CACHD1: variants seen among roughly 807,000 people sequenced by gnomAD.
CACHD1 encodes cache domain containing 1.
Under a neutral mutation model 138.7 loss-of-function variants are expected in CACHD1, and 71 were observed. The observed-to-expected ratio is 0.51, with a 90% confidence interval of 0.42 to 0.62. CACHD1 has a LOEUF of 0.62. Ranked by LOEUF, CACHD1 falls within the 20% of genes least tolerant of loss-of-function variation. The probability of loss-of-function intolerance (pLI) is 0.00; values close to 1 mark genes in which losing one functional copy is unlikely to be tolerated. For synonymous variants in CACHD1, 578 were observed against 591.5 expected, an observed-to-expected ratio of 0.98 and a Z score of 0.33; for missense variants, 1,389 against 1,625.3, an observed-to-expected ratio of 0.85 and a Z score of 2.50.
At chr1:64,485,340 A>G (rs1372363948) in intron 1 of CACHD1, among the ~76,000 whole-genome samples, 1 of 152,166 alleles carries the variant, frequency 6.6e-6, no homozygotes, top group African/African-American at 2.4e-5. Context: ...ACTCCTGGAA[A>G]CCATCGATAT....
chr1:64,537,227 G>C (rs191235569), intron 1 of CACHD1, among the ~76,000 whole-genome samples: 1 of 151,106 alleles, frequency 6.6e-6, no homozygotes, highest in Non-Finnish European at 1.5e-5. Context: ...CGATGATTGC[G>C]TTTTCCCCTC....
intron 1 of CACHD1, among the ~76,000 whole-genome samples, chr1:64,548,613 C>A (rs1257972977): frequency 6.6e-6 from 1 of 152,046 alleles, no homozygotes; most frequent in Non-Finnish European, 1.5e-5. Context: ...CCTAATGCCC[C>A]CTGAATGTAA....
chr1:64,559,915 G>A (rs1034797488), intron 2 of CACHD1, among the ~76,000 whole-genome samples: 17 of 152,032 alleles, frequency 1.1e-4, no homozygotes, highest in African/African-American at 4.1e-4. Flanking sequence ...ATCCTAGTAT[G>A]TCAATTTTGG....
chr1:64,567,749 A>G (rs1646893932), intron 2 of CACHD1, among the ~76,000 whole-genome samples: 1 of 152,176 alleles, frequency 6.6e-6, no homozygotes, highest in South Asian at 2.1e-4. Context: ...CAATTTTTAA[A>G]ATGAAGGTGG....
At chr1:64,601,768 A>G (rs561259990) in intron 3 of CACHD1, among the ~76,000 whole-genome samples, 5 of 152,148 alleles carry the variant, frequency 3.3e-5, no homozygotes, top group African/African-American at 7.2e-5. Flanking sequence ...TAGCTTCTCT[A>G]TTTGGGTTCA....
chr1:64,546,883 G>A (rs953247792), intron 1 of CACHD1, among the ~76,000 whole-genome samples: 8 of 151,876 alleles, frequency 5.3e-5, no homozygotes, highest in Non-Finnish European at 1.0e-4. Flanking sequence ...TAATTACCCT[G>A]GACAATATAT....
intron 1 of CACHD1, among the ~76,000 whole-genome samples, chr1:64,495,714 T>G (rs1439010116): frequency 2.0e-5 from 3 of 151,960 alleles, no homozygotes; most frequent in Non-Finnish European, 1.5e-5. Flanking sequence ...TGACCCTTTT[T>G]GAACCTGAGT....
At chr1:64,568,394 A>ATT (rs1252465960) in intron 2 of CACHD1, among the ~76,000 whole-genome samples, 2 of 152,004 alleles carry the variant, frequency 1.3e-5, no homozygotes, top group Non-Finnish European at 2.9e-5. Flanking sequence ...GGATATAGCA[A>ATT]CCCTTAGATA....
intron 2 of CACHD1, among the ~76,000 whole-genome samples, chr1:64,566,087 T>G (rs1646878399): frequency 6.6e-6 from 1 of 152,232 alleles, no homozygotes; most frequent in South Asian, 2.1e-4. Context: ...TTTATAAATT[T>G]TATTAATTGC....
intron 14 of CACHD1, 106 bp downstream of exon 14, chr1:64,663,943 C>T: frequency 3.5e-6 from 5 of 1,424,922 alleles, no homozygotes; most frequent in South Asian, 1.3e-5. Context: ...TGCATCTGTG[C>T]CTCTCAGCTG....
At chr1:64,586,813 A>G (rs1156688157) in intron 3 of CACHD1, among the ~76,000 whole-genome samples, 1 of 152,212 alleles carries the variant, frequency 6.6e-6, no homozygotes, top group Non-Finnish European at 1.5e-5. Context: ...GAAAACATTA[A>G]GTGAATGTGA....
In CACHD1 at chr1:64,673,455, C is replaced by T. The variant is rs377582005; in HGVS notation, c.2718C>T (p.Thr906=). ...RTVQRFYKFN[T]SLAGDLTNLV... Reference sequence around the variant, plus strand: ...TCCAGAGGTTTTATAAATTCAACACCAGCCTTGCGGTAAGTTGATCTGATT... The same window carrying T: ...TCCAGAGGTTTTATAAATTCAACACTAGCCTTGCGGTAAGTTGATCTGATT... Residue 906 remains threonine (T), a synonymous_variant, in exon 19 of 27, where the codon ACC becomes ACT. Coordinates refer to ENST00000651257, the MANE Select transcript of CACHD1 (RefSeq NM_020925.4). 7 of 1,611,414 alleles carry T rather than the reference C, an allele frequency of 4.3e-6. No homozygotes were observed. Among genetic ancestry groups the T allele is most frequent in the Non-Finnish European group, 5.9e-6 (7 of 1,177,560 alleles).
chr1:64,666,041 C>T lies in CACHD1; in HGVS notation c.2277-16C>T. 1.5e-6 allele frequency: 2 copies of T among 1,377,558 alleles called. No individual in the cohort carries two copies. The highest frequency in any genetic ancestry group is 1.0e-6 in the Non-Finnish European group (1 of 987,860). 85.3% of individuals were successfully genotyped at this position (1,377,558 alleles called of 1,614,324 possible). A position where few individuals can be genotyped will look rare whatever the true frequency, so the allele number is the denominator to read the frequency against. On this transcript the variant is annotated splice_polypyrimidine_tract_variant and intron_variant, in intron 15 of 26. Coordinates refer to ENST00000651257, the MANE Select transcript of CACHD1 (RefSeq NM_020925.4). ...ATAAAAAATAAAATAACATGACTTTCTTTGGTCTCCATTAGGTATCTCCAT... is the reference window on the plus strand; with the variant it reads ...ATAAAAAATAAAATAACATGACTTTTTTTGGTCTCCATTAGGTATCTCCAT...
At chr1:64,571,841 G>C (rs190854498) in intron 2 of CACHD1, among the ~76,000 whole-genome samples, 1 of 152,310 alleles carries the variant, frequency 6.6e-6, no homozygotes, top group East Asian at 1.9e-4. Context: ...TTTGTGACAA[G>C]ATATTATTTG....
chr1:64,663,768 G>A lies in CACHD1; in HGVS notation c.2025G>A (p.Lys675=). Residue 675 remains lysine, a synonymous_variant, in exon 14 of 27, where the codon AAG becomes AAA. Coordinates refer to ENST00000651257, the MANE Select transcript of CACHD1 (RefSeq NM_020925.4). The part of the protein sequence containing the change: ...PYEHLSQPET[K]RMVEHYTAYL... ...AGCACCTCAGCCAGCCAGAGACAAA[G>A]CGCATGGTAGAGCACTACACCGCCT... is the stretch of plus-strand genomic sequence containing the variant. The A allele has an allele frequency of 6.2e-7, 1 of 1,614,068 alleles. No individual in the cohort carries two copies. The highest frequency in any genetic ancestry group is 8.5e-7 in the Non-Finnish European group (1 of 1,180,002).
At chr1:64,630,741 T>C (rs572640648) in intron 5 of CACHD1, among the ~76,000 whole-genome samples, 2 of 152,160 alleles carry the variant, frequency 1.3e-5, no homozygotes, top group African/African-American at 2.4e-5. Flanking sequence ...CATTTGCTTC[T>C]AAGAAGAGAT....
chr1:64,572,537 T>C (rs1646934546), intron 2 of CACHD1, among the ~76,000 whole-genome samples: 1 of 152,106 alleles, frequency 6.6e-6, no homozygotes, highest in Non-Finnish European at 1.5e-5. Flanking sequence ...TCTCCTGCAA[T>C]ACCCAACACA....
At chr1:64,687,967 G>A (rs977172044) in intron 26 of CACHD1, among the ~76,000 whole-genome samples, 8 of 151,984 alleles carry the variant, frequency 5.3e-5, no homozygotes, top group Non-Finnish European at 7.4e-5. Flanking sequence ...CAGAATGCAT[G>A]TAAAATCACA....
At chr1:64,597,534 T>TG (rs1647165066) in intron 3 of CACHD1, among the ~76,000 whole-genome samples, 2 of 147,316 alleles carry the variant, frequency 1.4e-5, no homozygotes, top group African/African-American at 2.5e-5. Flanking sequence ...GTTTTTTTTT[T>TG]TTTTTTTTTT....
Sources: gnomAD v4.1 joint callset for allele counts (sites outside exome capture counted in the v4.1 genomes callset) on GRCh38, gnomAD v4.1.1 for gene constraint, MANE v1.5 for transcripts, NCBI Gene and HGNC (gene_info 2026-07-23, HGNC 2026-07-21) for gene names.